Variants in SNX13 observed in about 807,000 individuals in gnomAD.
SNX13 encodes sorting nexin 13.
A neutral mutation model predicts 133.6 loss-of-function variants in SNX13; 45 were observed. The ratio of observed to expected loss-of-function variants is 0.34; its 90% CI spans 0.27 to 0.43. The LOEUF is 0.43. Ranked by LOEUF, SNX13 falls within the 20% of genes least tolerant of loss-of-function variation. SNX13 has a pLI of 1.00. For synonymous variants in SNX13, 414 were observed against 373.9 expected (o/e 1.11, Z -1.24); for missense variants, 1,032 against 1,145.1 (o/e 0.90, Z 1.43).
At chr7:17,808,139 G>T (rs1444900013) in intron 20 of SNX13, among the ~76,000 whole-genome samples, 1 of 152,052 alleles carries the variant, frequency 6.6e-6, no homozygotes, top group East Asian at 1.9e-4. Context: ...GCTTCAGAAG[G>T]TGGGTAATAA....
chr7:17,822,236 C>A (rs1787377131), intron 17 of SNX13, among the ~76,000 whole-genome samples: 1 of 151,872 alleles, frequency 6.6e-6, no homozygotes, highest in Non-Finnish European at 1.5e-5. Flanking sequence ...ATTACTTTGC[C>A]ACATACCAAG....
intron 9 of SNX13, 26 bp from the exon 10 acceptor site, chr7:17,850,990 G>T: frequency 1.3e-6 from 2 of 1,581,794 alleles, no homozygotes; most frequent in Non-Finnish European, 8.6e-7. Flanking sequence ...AGAAAAACAG[G>T]TGGGAGAGGA....
chr7:17,803,577 C>T lies in SNX13; in HGVS notation c.2068G>A (p.Asp690Asn). 6.2e-7 allele frequency: 1 copy of T among 1,604,630 alleles called. No homozygotes were observed. Among genetic ancestry groups the T allele is most frequent in the Non-Finnish European group, 8.5e-7 (1 of 1,175,676 alleles). The stretch of plus-strand genomic sequence containing the variant: ...TTGCGAAGTGGATTTACAAAAGTGT[C>T]CATCTAAAGGGAAAAAAGATATTAT... ...KGKGDFARKMDTFVNPLRNSM... is the reference protein window; with the variant it reads ...KGKGDFARKMNTFVNPLRNSM... The change falls in exon 21 of 26, where the codon GAC (aspartate) becomes AAC (asparagine). Residue 690 changes from aspartate to asparagine, a missense_variant. Asp to Asn is a conservative substitution (Grantham distance 23). Transcript: ENST00000428135.
rs184530643 is a variant in SNX13, at chr7:17,904,438, T to A, written c.13-6992A>T. Reference sequence around the variant, plus strand: ...ATCAGTGCTTAATTTAGGCCTAGGTTATCAGTGCTTAATTCAGCTAATTCA... The same window carrying A: ...ATCAGTGCTTAATTTAGGCCTAGGTAATCAGTGCTTAATTCAGCTAATTCA... On this transcript the variant is annotated intron_variant, in intron 1 of 25. Coordinates refer to ENST00000428135, the MANE Select transcript of SNX13 (RefSeq NM_015132.5). 1.7e-4 allele frequency among the ~76,000 whole-genome samples: 26 copies of A among 152,130 alleles called. 1 individual carries two copies. In the East Asian group the frequency reaches 5.0e-3, roughly 29 times the overall value.
chr7:17,825,039 GATTACAGGC>G (rs1441613250), intron 17 of SNX13, among the ~76,000 whole-genome samples: 1 of 152,120 alleles, frequency 6.6e-6, no homozygotes, highest in Non-Finnish European at 1.5e-5. Flanking sequence ...AAAGTTCTGG[GATTACAGGC>G]GTGAGCCACC....
At chr7:17,855,193 A>C (rs563671044) in intron 9 of SNX13, among the ~76,000 whole-genome samples, 83 of 152,304 alleles carry the variant, frequency 5.4e-4, no homozygotes, top group African/African-American at 1.9e-3. Flanking sequence ...GATAGAGGTA[A>C]GGAAACTGCA....
chr7:17,798,314 A>G (rs1050513860), intron 24 of SNX13, among the ~76,000 whole-genome samples: 1 of 151,890 alleles, frequency 6.6e-6, no homozygotes, highest in African/African-American at 2.4e-5. Flanking sequence ...CTTACTTAAA[A>G]CAATTTCATT....
rs1009856701 is a variant in SNX13 at position 17,800,130 on chromosome 7, G to A, written c.2299-976C>T. 5.9e-5 allele frequency among the ~76,000 whole-genome samples: 9 copies of A among 151,754 alleles called. No homozygotes were observed. The South Asian group carries it at 6.2e-4, about 10-fold the overall frequency. ...ATTCTCTGATCAAGTATATTCCTACGAGTTTGGTGCCATATGAAAATCTAA... is the reference window on the plus strand; with the variant it reads ...ATTCTCTGATCAAGTATATTCCTACAAGTTTGGTGCCATATGAAAATCTAA... On this transcript the variant is annotated intron_variant, in intron 22 of 25. Transcript: ENST00000428135.
intron 1 of SNX13, among the ~76,000 whole-genome samples, chr7:17,931,730 T>A (rs909954592): frequency 3.9e-5 from 6 of 152,180 alleles, no homozygotes; most frequent in Admixed American, 1.3e-4. Context: ...GAGAAAACAG[T>A]GCAATAAGTA....
At chr7:17,822,642 T>C (rs933396971) in intron 17 of SNX13, among the ~76,000 whole-genome samples, 1 of 152,164 alleles carries the variant, frequency 6.6e-6, no homozygotes, top group Non-Finnish European at 1.5e-5. Flanking sequence ...TTTCTCTTAT[T>C]GTGGTTCGTA....
chr7:17,879,881 G>C (rs1386898210), intron 5 of SNX13: 2 of 152,184 alleles, frequency 1.3e-5, no homozygotes, highest in East Asian at 3.8e-4. Context: ...ATTTCCCAAA[G>C]TTTGTTTTCT....
chr7:17,831,660 A>C, intron 15 of SNX13: 5 of 984,280 alleles, frequency 5.1e-6, no homozygotes, highest in Non-Finnish European at 6.0e-6. Context: ...AATCAGCTGT[A>C]CATTAATCCC....
chr7:17,936,261 A>G (rs1468999967), intron 1 of SNX13, among the ~76,000 whole-genome samples: 1 of 152,118 alleles, frequency 6.6e-6, no homozygotes, highest in African/African-American at 2.4e-5. Context: ...CAACTACAAA[A>G]CCTTTTACTT....
intron 11 of SNX13, among the ~76,000 whole-genome samples, 199 bp downstream of exon 11, chr7:17,850,148 C>A (rs1791036813): frequency 6.6e-6 from 1 of 152,148 alleles, no homozygotes; most frequent in African/African-American, 2.4e-5. Context: ...TAACATTTTT[C>A]AGGAAGCATT....
intron 15 of SNX13, chr7:17,830,828 G>A: frequency 3.0e-6 from 3 of 984,078 alleles, no homozygotes; most frequent in Non-Finnish European, 3.6e-6. Flanking sequence ...ATGGTTTCGA[G>A]CACTTAAGAG....
At chr7:17,890,190 A>G (rs1446025637) in intron 5 of SNX13, 173 bp downstream of exon 5, 1 of 467,580 alleles carries the variant, frequency 2.1e-6, no homozygotes, top group African/African-American at 2.0e-5. Flanking sequence ...AATCTGGGGT[A>G]ATTTAAAGGT....
At chr7:17,874,176 G>A (rs76859409) in intron 7 of SNX13, among the ~76,000 whole-genome samples, 2,631 of 152,128 alleles carry the variant, frequency 0.017, 74 homozygotes, top group African/African-American at 0.06. Flanking sequence ...AGTCTGAACT[G>A]CTCAGGTCCA....
chr7:17,835,625 G>T (rs957579457), intron 13 of SNX13, among the ~76,000 whole-genome samples: 3 of 151,866 alleles, frequency 2.0e-5, no homozygotes, highest in African/African-American at 7.2e-5. Flanking sequence ...AGTCTGGAGA[G>T]TAAATGAGTC....
chr7:17,902,702 A>G (rs1384697987), intron 1 of SNX13, among the ~76,000 whole-genome samples: 1 of 152,210 alleles, frequency 6.6e-6, no homozygotes, highest in Admixed American at 6.5e-5. Flanking sequence ...AGACAAATCT[A>G]TATGACAGTG....
Sources: gnomAD v4.1 joint callset for allele counts (sites outside exome capture counted in the v4.1 genomes callset) on GRCh38, gnomAD v4.1.1 for gene constraint, MANE v1.5 for transcripts, NCBI Gene and HGNC (gene_info 2026-07-23, HGNC 2026-07-21) for gene names.